RSBN1L: variants seen among roughly 807,000 people sequenced by gnomAD.
RSBN1L encodes the protein round spermatid basic protein 1 like, also known as lysine-specific demethylase RSBN1L.
RSBN1L carries 30 observed loss-of-function variants against 67.7 expected under a neutral mutation model. The observed-to-expected ratio is 0.44, with a 90% CI of 0.33 to 0.60. The LOEUF (loss-of-function observed/expected upper bound fraction) is 0.60, where lower values mean the gene tolerates loss of function less well. RSBN1L is among the 20% of genes least tolerant of loss of function. The pLI, the probability that RSBN1L is intolerant of heterozygous loss-of-function variation, is 0.02. For synonymous variants in RSBN1L, 433 were observed against 387.0 expected (o/e 1.12, Z -1.39); for missense variants, 992 against 1,031.7 (o/e 0.96, Z 0.53).
At chr7:77,723,092 G>C (rs1042566981) in intron 1 of RSBN1L, among the ~76,000 whole-genome samples, 2 of 150,780 alleles carry the variant, frequency 1.3e-5, no homozygotes, top group African/African-American at 4.9e-5. Flanking sequence ...TCAGCCTTCC[G>C]AGTAGCTGGG....
At chr7:77,765,876 A>C (rs1791759762) in intron 4 of RSBN1L, among the ~76,000 whole-genome samples, 1 of 152,204 alleles carries the variant, frequency 6.6e-6, no homozygotes, top group Non-Finnish European at 1.5e-5. Context: ...TTGTAATGGC[A>C]AAGCTAAGTG....
At chr7:77,757,199 C>T (rs184321336) in intron 3 of RSBN1L, among the ~76,000 whole-genome samples, 1 of 152,308 alleles carries the variant, frequency 6.6e-6, no homozygotes, top group Admixed American at 6.5e-5. Flanking sequence ...CACAAATACT[C>T]ATTTTTACAT....
At chr7:77,730,690 T>C (rs1013573021) in intron 1 of RSBN1L, among the ~76,000 whole-genome samples, 1 of 152,252 alleles carries the variant, frequency 6.6e-6, no homozygotes, top group African/African-American at 2.4e-5. Context: ...TTAGTATGCA[T>C]TTACATTTCC....
intron 1 of RSBN1L, among the ~76,000 whole-genome samples, chr7:77,704,150 G>A (rs1216272563): frequency 1.3e-5 from 2 of 152,140 alleles, no homozygotes; most frequent in Non-Finnish European, 2.9e-5. Flanking sequence ...TCACAAGTAA[G>A]TATAATTTGT....
rs1791776037 is a variant in RSBN1L, at chr7:77,767,038, C to T, written c.1482+1406C>T. Among the ~76,000 whole-genome samples, 5 of 145,128 alleles carry T rather than the reference C, an allele frequency of 3.4e-5. No homozygotes were observed. In the South Asian group the frequency reaches 1.1e-3, roughly 32 times the overall value. ...TCCTTCCCCTTCCCCTTCCCTTTCC[C>T]CTTCCCTTCCCCTTCCCCTTCCCTT... On this transcript the variant is annotated intron_variant, in intron 4 of 7. Transcript: ENST00000334955.
At chr7:77,763,209 G>C (rs1791718860) in intron 3 of RSBN1L, among the ~76,000 whole-genome samples, 1 of 149,930 alleles carries the variant, frequency 6.7e-6, no homozygotes, top group Admixed American at 6.7e-5. Flanking sequence ...GAACTCCTGG[G>C]CTCAAGTGAT....
intron 1 of RSBN1L, among the ~76,000 whole-genome samples, chr7:77,708,536 C>T (rs1036504957): frequency 2.0e-5 from 3 of 152,058 alleles, no homozygotes; most frequent in Admixed American, 6.6e-5. Flanking sequence ...CGTCCGCCAC[C>T]GCGCCTGGCT....
intron 1 of RSBN1L, among the ~76,000 whole-genome samples, chr7:77,735,796 T>C (rs974441642): frequency 6.6e-6 from 1 of 152,168 alleles, no homozygotes. Flanking sequence ...AGTTTTAGAA[T>C]GCAAATGAAT....
intron 3 of RSBN1L, among the ~76,000 whole-genome samples, chr7:77,755,301 A>G (rs968540694): frequency 2.6e-5 from 4 of 152,218 alleles, no homozygotes; most frequent in Admixed American, 2.0e-4. Flanking sequence ...CTGCTCCTCA[A>G]CTTACGCTAG....
chr7:77,716,918 A>C (rs1791056939), intron 1 of RSBN1L, among the ~76,000 whole-genome samples: 1 of 150,614 alleles, frequency 6.6e-6, no homozygotes, highest in South Asian at 2.1e-4. Flanking sequence ...GGCATGAGGC[A>C]TGAGGCATGA....
At position 77,779,541 on chromosome 7, in the gene RSBN1L, C is replaced by CT. The variant is rs201513493; in HGVS notation, c.*381dup. On this transcript the variant is annotated 3_prime_UTR_variant, in exon 8 of 8. Transcript: ENST00000334955. The stretch of plus-strand genomic sequence containing the variant: ...CTTTTCCATAGAGCTTATTTATATC[C>CT]TTTTTTTTCATTTTAAATGTGTCAG... 1,102 of 149,544 alleles carry CT rather than the reference C, an allele frequency of 7.4e-3. 8 individuals carry two copies. Among genetic ancestry groups the CT allele is most frequent in the African/African-American group, 0.024 (993 of 40,878 alleles). The allele number at this position is 149,544 out of a possible 1,614,324, so 9.3% of individuals were successfully genotyped here. A position where few individuals can be genotyped will look rare whatever the true frequency, so the allele number is the denominator to read the frequency against.
chr7:77,701,584 T>G (rs1037744459), intron 1 of RSBN1L, among the ~76,000 whole-genome samples: 3 of 152,014 alleles, frequency 2.0e-5, no homozygotes, highest in African/African-American at 7.2e-5. Flanking sequence ...ATTTTATAAT[T>G]TATATATTTT....
chr7:77,739,347 T>C (rs902010252), intron 2 of RSBN1L, among the ~76,000 whole-genome samples: 5 of 152,214 alleles, frequency 3.3e-5, no homozygotes, highest in Non-Finnish European at 5.9e-5. Context: ...TGATGGATGA[T>C]GGCATTTGAA....
intron 1 of RSBN1L, among the ~76,000 whole-genome samples, chr7:77,715,271 AAAAG>A (rs571181325): frequency 1.1e-4 from 16 of 152,246 alleles, no homozygotes; most frequent in South Asian, 4.1e-4. Flanking sequence ...CTCTGTCTCA[AAAAG>A]AAAGAAAGAT....
At chr7:77,739,831 ACT>A (rs1791385746) in intron 2 of RSBN1L, among the ~76,000 whole-genome samples, 1 of 125,984 alleles carries the variant, frequency 7.9e-6, no homozygotes, top group Non-Finnish European at 1.6e-5. Flanking sequence ...CTCACTGCAA[ACT>A]CTGCCTCCTG....
At chr7:77,747,132 C>T (rs1414515044) in intron 2 of RSBN1L, among the ~76,000 whole-genome samples, 1 of 152,148 alleles carries the variant, frequency 6.6e-6, no homozygotes, top group Admixed American at 6.5e-5. Flanking sequence ...AGTGTGGGGG[C>T]TCCAACCCCA....
At chr7:77,709,520 C>T (rs1790945035) in intron 1 of RSBN1L, among the ~76,000 whole-genome samples, 2 of 152,198 alleles carry the variant, frequency 1.3e-5, no homozygotes, top group African/African-American at 4.8e-5. Context: ...AAACTCCTGA[C>T]CTCAGGTGAT....
chr7:77,714,122 C>A (rs1420716794), intron 1 of RSBN1L, among the ~76,000 whole-genome samples: 2 of 152,198 alleles, frequency 1.3e-5, no homozygotes, highest in African/African-American at 4.8e-5. Flanking sequence ...TGTTTCTGCT[C>A]AACTAACACC....
rs976750238 is a variant in RSBN1L at position 77,720,547 on chromosome 7, G to A, written c.587-15863G>A. The stretch of plus-strand genomic sequence containing the variant: ...GCACTCCAGCCTGGGCAACAAGAGC[G>A]AAACTCCGTTAAAAAAAAAATTGCA... On this transcript the variant is annotated intron_variant, in intron 1 of 7. Transcript: ENST00000334955. Among the ~76,000 whole-genome samples, 145 of 151,974 alleles carry A rather than the reference G, an allele frequency of 9.5e-4. 1 individual carries two copies. The highest frequency in any genetic ancestry group is 2.6e-3 in the Admixed American group (39 of 15,250).
Sources: gnomAD v4.1 joint callset for allele counts (sites outside exome capture counted in the v4.1 genomes callset) on GRCh38, gnomAD v4.1.1 for gene constraint, MANE v1.5 for transcripts, NCBI Gene and HGNC (gene_info 2026-07-23, HGNC 2026-07-21) for gene names.